Variants in SNCAIP observed in about 807,000 individuals in gnomAD.
SNCAIP encodes the protein synuclein alpha interacting protein.
SNCAIP carries 43 observed loss-of-function variants against 86.7 expected under a neutral mutation model. The ratio of observed to expected loss-of-function variants is 0.50; its 90% CI spans 0.39 to 0.64. SNCAIP has a LOEUF of 0.64. SNCAIP is among the 30% of genes least tolerant of loss of function. The pLI is 0.00. For synonymous variants in SNCAIP, 417 were observed against 427.2 expected, an observed-to-expected ratio of 0.98 and a Z score of 0.29; for missense variants, 981 against 1,103.1, an observed-to-expected ratio of 0.89 and a Z score of 1.57.
chr5:122,362,716 G>A (rs547888715), intron 1 of SNCAIP, among the ~76,000 whole-genome samples: 16 of 152,302 alleles, frequency 1.1e-4, no homozygotes, highest in African/African-American at 3.4e-4. Flanking sequence ...GTTGGAGTTT[G>A]ACGGAATGAA....
intron 3 of SNCAIP, among the ~76,000 whole-genome samples, chr5:122,410,132 A>G (rs1773816374): frequency 6.6e-6 from 1 of 152,218 alleles, no homozygotes; most frequent in Non-Finnish European, 1.5e-5. Context: ...AATTATTTTT[A>G]TTGTTTAACA....
At chr5:122,387,780 G>T (rs536082347) in intron 1 of SNCAIP, among the ~76,000 whole-genome samples, 2 of 152,264 alleles carry the variant, frequency 1.3e-5, no homozygotes, top group African/African-American at 4.8e-5. Flanking sequence ...GTTTGCAAAG[G>T]TTTTCTTTTC....
chr5:122,312,209 T>C (rs1379806010), upstream of SNCAIP: 1 of 151,246 alleles, frequency 6.6e-6, no homozygotes, highest in African/African-American at 2.4e-5. Flanking sequence ...GCTGTTCTGC[T>C]CCTGCCGCTG....
chr5:122,390,941 G>T (rs894763521), intron 1 of SNCAIP, 148 bp from the exon 2 acceptor site: 1 of 602,910 alleles, frequency 1.7e-6, no homozygotes, highest in African/African-American at 1.8e-5. Context: ...AAGCCAGGCT[G>T]TGGACAGTTG....
chr5:122,411,936 C>G (rs549413138), intron 3 of SNCAIP, among the ~76,000 whole-genome samples: 13 of 152,292 alleles, frequency 8.5e-5, no homozygotes, highest in Middle Eastern at 3.4e-3. Flanking sequence ...ACTCCCTGCT[C>G]AAAACCAGGC....
At chr5:122,355,202 A>C (rs908227406) in intron 1 of SNCAIP, among the ~76,000 whole-genome samples, 2 of 152,212 alleles carry the variant, frequency 1.3e-5, no homozygotes, top group East Asian at 3.8e-4. Context: ...TAGGTATAAA[A>C]CAATGTTTCA....
intron 1 of SNCAIP, among the ~76,000 whole-genome samples, chr5:122,323,155 C>T (rs1753329096): frequency 6.6e-6 from 1 of 152,176 alleles, no homozygotes; most frequent in African/African-American, 2.4e-5. Flanking sequence ...AACAGCGCCT[C>T]AGAGAAGAGC....
Position 122,313,589 on chromosome 5 carries a change from T to G in SNCAIP, c.-47+1305T>G, listed in dbSNP as rs539150377. ...TATTTCATTTGTACATATTGAAAAT[T>G]TAAAAGGCAAAGAACAAGGTGTAGG... On this transcript the variant is annotated intron_variant, in intron 1 of 10. Coordinates refer to ENST00000261368, the MANE Select transcript of SNCAIP (RefSeq NM_005460.4). Among the ~76,000 whole-genome samples the G allele has an allele frequency of 3.9e-5, 6 of 152,342 alleles. 1 individual carries two copies. In the South Asian group the frequency reaches 8.3e-4, roughly 21 times the overall value.
At chr5:122,317,301 G>A (rs1249429054) in intron 1 of SNCAIP, among the ~76,000 whole-genome samples, 1 of 152,176 alleles carries the variant, frequency 6.6e-6, no homozygotes, top group African/African-American at 2.4e-5. Flanking sequence ...TGCTCAAGTA[G>A]GAAAGGGCAT....
intron 2 of SNCAIP, among the ~76,000 whole-genome samples, chr5:122,391,560 C>T (rs1377023241): frequency 1.3e-4 from 20 of 152,190 alleles, no homozygotes. Context: ...CTAGAGTTCA[C>T]AGGGACACTG....
chr5:122,358,760 A>G (rs945690543), intron 1 of SNCAIP, among the ~76,000 whole-genome samples: 4 of 152,050 alleles, frequency 2.6e-5, no homozygotes, highest in African/African-American at 9.7e-5. Context: ...AGCACCCTAT[A>G]TCATACCGGA....
chr5:122,359,045 T>TTAAA (rs143824514), intron 1 of SNCAIP, among the ~76,000 whole-genome samples: 134,130 of 151,862 alleles, frequency 0.88, 59,336 homozygotes, highest in Admixed American at 0.93. Context: ...TCTGGAGCCT[T>TTAAA]TATACTTTAT....
intron 2 of SNCAIP, among the ~76,000 whole-genome samples, chr5:122,394,701 G>A (rs1459981655): frequency 2.0e-5 from 3 of 152,142 alleles, no homozygotes; most frequent in African/African-American, 7.2e-5. Context: ...ATTAAGAGAG[G>A]CCAGTGTGGT....
chr5:122,431,422 G>T (rs939041682), intron 5 of SNCAIP, among the ~76,000 whole-genome samples: 1 of 152,090 alleles, frequency 6.6e-6, no homozygotes. Context: ...CAATAGAAAA[G>T]GAATAAATTA....
intron 8 of SNCAIP, among the ~76,000 whole-genome samples, chr5:122,448,633 T>A (rs1782890799): frequency 7.3e-6 from 1 of 137,244 alleles, no homozygotes; most frequent in Non-Finnish European, 1.5e-5. Context: ...ATAATATATA[T>A]TATATGTTAT....
rs776082102 is a variant in SNCAIP at position 122,425,441 on chromosome 5, G to A, written c.1092G>A (p.Glu364=). Residue 364 remains glutamate, a synonymous_variant, in exon 5 of 11, where the codon GAG becomes GAA. Coordinates refer to ENST00000261368, the MANE Select transcript of SNCAIP (RefSeq NM_005460.4). ...LHIAASQGHA[E]CLQHLTSLMG... ...TTGCGGCGTCACAGGGACACGCAGA[G>A]TGTCTACAGCACCTCACTTCTTTGA... The A allele has an allele frequency of 6.2e-7, 1 of 1,613,968 alleles. No homozygotes were observed.
chr5:122,453,709 G>T (rs1784167508), intron 10 of SNCAIP, among the ~76,000 whole-genome samples: 2 of 151,574 alleles, frequency 1.3e-5, no homozygotes, highest in East Asian at 1.9e-4. Context: ...GCCTTAATTG[G>T]TTTACTTCAG....
intron 10 of SNCAIP, chr5:122,452,929 T>C (rs991825792): frequency 3.2e-6 from 5 of 1,546,174 alleles, no homozygotes; most frequent in Admixed American, 3.9e-5. Flanking sequence ...CTCTAGGAAA[T>C]GTACAGCAGC....
At chr5:122,382,806 G>C (rs1767160951) in intron 1 of SNCAIP, among the ~76,000 whole-genome samples, 1 of 152,230 alleles carries the variant, frequency 6.6e-6, no homozygotes, top group Admixed American at 6.5e-5. Context: ...CCTGCCGTGT[G>C]AGGTGTCAGT....
Sources: allele counts gnomAD v4.1 joint callset (sites outside exome capture counted in the v4.1 genomes callset), GRCh38; gene constraint gnomAD v4.1.1; transcripts MANE v1.5; gene names NCBI Gene and HGNC (gene_info 2026-07-23, HGNC 2026-07-21).